Variants in GLRA3 observed in about 807,000 individuals in gnomAD.
GLRA3 encodes the protein glycine receptor subunit alpha-3.
A neutral mutation model predicts 60.4 loss-of-function variants in GLRA3; 44 were observed. The ratio of observed to expected loss-of-function variants is 0.73; its 90% CI spans 0.57 to 0.94. GLRA3 has a LOEUF of 0.94. GLRA3 is among the 40% of genes least tolerant of loss of function. GLRA3 has a pLI of 0.00. For missense variants in GLRA3, 508 were observed against 564.6 expected, an observed-to-expected ratio of 0.90 and a Z score of 1.02; for synonymous variants, 223 against 192.9, an observed-to-expected ratio of 1.16 and a Z score of -1.29.
intron 1 of GLRA3, among the ~76,000 whole-genome samples, chr4:174,797,399 C>G (rs1455899091): frequency 6.6e-6 from 1 of 152,206 alleles, no homozygotes; most frequent in Non-Finnish European, 1.5e-5. Context: ...ACACTTCACT[C>G]TTCTTTTCTG....
intron 5 of GLRA3, among the ~76,000 whole-genome samples, chr4:174,704,272 C>T (rs1735434727): frequency 1.4e-5 from 2 of 143,284 alleles, no homozygotes; most frequent in South Asian, 2.2e-4. Flanking sequence ...CCAGCGCGGG[C>T]AACAGAGTCA....
rs75086552 is a variant in GLRA3, at chr4:174,657,062, T to C, written c.1072-275A>G. Among the ~76,000 whole-genome samples, 729 of 152,252 alleles carry C rather than the reference T, an allele frequency of 4.8e-3. 34 individuals carry two copies. The East Asian group carries it at 0.1, about 21-fold the overall frequency. Reference sequence around the variant, plus strand: ...ATCAGAAAATAATAAGATATGATTGTTTTTGCATTTCTGCATTTTCCCAGG... The same window carrying C: ...ATCAGAAAATAATAAGATATGATTGCTTTTGCATTTCTGCATTTTCCCAGG... On this transcript the variant is annotated intron_variant, in intron 8 of 9. Coordinates refer to ENST00000274093, the MANE Select transcript of GLRA3 (RefSeq NM_006529.4).
intron 1 of GLRA3, among the ~76,000 whole-genome samples, chr4:174,798,456 A>G (rs747458271): frequency 3.9e-4 from 59 of 152,246 alleles, no homozygotes; most frequent in Non-Finnish European, 7.9e-4. Flanking sequence ...TGTAGGGAGA[A>G]CTAAAGAGAA....
chr4:174,749,190 C>A (rs538555358), intron 3 of GLRA3, among the ~76,000 whole-genome samples: 2 of 152,228 alleles, frequency 1.3e-5, no homozygotes, highest in East Asian at 3.9e-4. Flanking sequence ...CCAGTAGCAG[C>A]CTTCCCACTT....
At chr4:174,825,125 A>G (rs547736810) in intron 1 of GLRA3, among the ~76,000 whole-genome samples, 33 of 152,160 alleles carry the variant, frequency 2.2e-4, no homozygotes, top group African/African-American at 7.2e-4. Flanking sequence ...ATTTATTGCT[A>G]TTTTCAGGGA....
intron 5 of GLRA3, among the ~76,000 whole-genome samples, chr4:174,711,278 A>G (rs1466867442): frequency 5.3e-5 from 8 of 151,698 alleles, no homozygotes; most frequent in East Asian, 1.9e-4. Flanking sequence ...ACAAAGAATA[A>G]AAATTCTCTC....
At chr4:174,658,543 AGGG>A (rs1733300367) in intron 8 of GLRA3, among the ~76,000 whole-genome samples, 2 of 152,192 alleles carry the variant, frequency 1.3e-5, no homozygotes, top group Non-Finnish European at 2.9e-5. Context: ...TGTTTCCCAC[AGGG>A]TTTCAAAAGA....
intron 7 of GLRA3, among the ~76,000 whole-genome samples, chr4:174,672,642 A>G (rs1215205033): frequency 6.6e-6 from 1 of 152,106 alleles, no homozygotes. Context: ...TCCACAGCCT[A>G]GATCCAAGCC....
At chr4:174,702,602 C>G (rs894686068) in intron 5 of GLRA3, among the ~76,000 whole-genome samples, 9 of 152,070 alleles carry the variant, frequency 5.9e-5, no homozygotes, top group Admixed American at 1.3e-4. Context: ...GAGTCTTGCT[C>G]TGTTGCCCAG....
At chr4:174,820,901 A>T (rs193248124) in intron 1 of GLRA3, among the ~76,000 whole-genome samples, 15,670 of 150,596 alleles carry the variant, frequency 0.1, 1,040 homozygotes, top group East Asian at 0.28. Context: ...GCTGACAATC[A>T]TTTTTTTTTT....
intron 1 of GLRA3, among the ~76,000 whole-genome samples, chr4:174,797,571 T>C (rs1252021063): frequency 6.6e-6 from 1 of 152,172 alleles, no homozygotes; most frequent in Non-Finnish European, 1.5e-5. Context: ...ATTTCATAAA[T>C]GTTGGCAGAA....
intron 1 of GLRA3, among the ~76,000 whole-genome samples, chr4:174,808,055 G>A (rs184653580): frequency 6.6e-6 from 1 of 152,146 alleles, no homozygotes; most frequent in East Asian, 1.9e-4. Flanking sequence ...TAGGATGGTC[G>A]CTGTGCTGTG....
At chr4:174,661,483 C>A (rs907179410) in intron 7 of GLRA3, among the ~76,000 whole-genome samples, 5 of 152,216 alleles carry the variant, frequency 3.3e-5, no homozygotes, top group Admixed American at 2.0e-4. Flanking sequence ...ATACTGTGAT[C>A]ATTCACCTCA....
intron 7 of GLRA3, among the ~76,000 whole-genome samples, chr4:174,659,443 G>A (rs1733351330): frequency 6.6e-6 from 1 of 152,020 alleles, no homozygotes; most frequent in Non-Finnish European, 1.5e-5. Flanking sequence ...AACATAAGAT[G>A]AAATATAATT....
intron 3 of GLRA3, among the ~76,000 whole-genome samples, chr4:174,752,453 T>C (rs924787000): frequency 3.9e-5 from 6 of 152,242 alleles, no homozygotes; most frequent in Admixed American, 2.6e-4. Context: ...CCTGAGAGAC[T>C]GGAAGTGAAA....
In GLRA3 at chr4:174,794,015, T is replaced by C. The variant is rs370454389; in HGVS notation, c.72-5072A>G. Among the ~76,000 whole-genome samples the C allele has an allele frequency of 1.6e-4, 24 of 152,306 alleles. No individual in the cohort carries two copies. In the East Asian group the frequency reaches 2.1e-3, roughly 13 times the overall value. On this transcript the variant is annotated intron_variant, in intron 1 of 9. Transcript: ENST00000274093. ...TAGGCAGACCAATGCTAAATTTTAA[T>C]GATAATAATCCCTTTCATTCATGCA...
intron 4 of GLRA3, among the ~76,000 whole-genome samples, chr4:174,727,553 C>T (rs2111129870): frequency 6.6e-6 from 1 of 152,228 alleles, no homozygotes. Context: ...GTTCTTACGT[C>T]CTGTTCTTCA....
intron 3 of GLRA3, among the ~76,000 whole-genome samples, chr4:174,751,412 G>A (rs1402460220): frequency 6.6e-6 from 1 of 152,100 alleles, no homozygotes; most frequent in Non-Finnish European, 1.5e-5. Flanking sequence ...TGCATCAGAT[G>A]TGGAAGATAA....
chr4:174,797,815 C>T (rs1739630806), intron 1 of GLRA3, among the ~76,000 whole-genome samples: 1 of 151,806 alleles, frequency 6.6e-6, no homozygotes, highest in Admixed American at 6.6e-5. Context: ...CCTCTAGTCC[C>T]AGCTACTCTG....
Sources: gnomAD v4.1 joint callset for allele counts (sites outside exome capture counted in the v4.1 genomes callset) on GRCh38, gnomAD v4.1.1 for gene constraint, MANE v1.5 for transcripts, NCBI Gene and HGNC (gene_info 2026-07-23, HGNC 2026-07-21) for gene names.